The following CLSTN2 variants were observed in gnomAD, a reference collection of about 807,000 sequenced individuals.
CLSTN2 encodes calsyntenin 2.
In CLSTN2, 48 loss-of-function variants were observed where a neutral mutation model predicts 101.2. That is an observed-to-expected ratio of 0.47 (90% confidence interval 0.38 to 0.60). The LOEUF (loss-of-function observed/expected upper bound fraction) is 0.60. CLSTN2 is among the 20% of genes least tolerant of loss of function. The pLI is 0.00. For missense variants in CLSTN2, 1,160 were observed against 1,238.2 expected, an observed-to-expected ratio of 0.94 and a Z score of 0.95; for synonymous variants, 481 against 463.6, an observed-to-expected ratio of 1.04 and a Z score of -0.48.
intron 2 of CLSTN2, among the ~76,000 whole-genome samples, chr3:140,270,542 C>T (rs1027921760): frequency 2.0e-5 from 3 of 152,196 alleles, no homozygotes; most frequent in African/African-American, 7.2e-5. Flanking sequence ...ACTCTAGTGC[C>T]TCCCATCCAG....
chr3:140,165,694 G>A (rs1374970313), intron 1 of CLSTN2, among the ~76,000 whole-genome samples: 2 of 152,142 alleles, frequency 1.3e-5, no homozygotes, highest in Non-Finnish European at 2.9e-5. Context: ...TGGAGGGCAG[G>A]ACAGCTTCCT....
intron 2 of CLSTN2, among the ~76,000 whole-genome samples, chr3:140,280,078 A>T (rs2107895900): frequency 6.6e-6 from 1 of 152,356 alleles, no homozygotes; most frequent in African/African-American, 2.4e-5. Flanking sequence ...GCCAGACAAG[A>T]GAAGCTCAGT....
At chr3:140,141,329 C>G (rs573029176) in intron 1 of CLSTN2, among the ~76,000 whole-genome samples, 63 of 152,352 alleles carry the variant, frequency 4.1e-4, no homozygotes, top group Admixed American at 9.1e-4. Flanking sequence ...TGTTCTGCCT[C>G]TTGCTTTGAC....
intron 1 of CLSTN2, among the ~76,000 whole-genome samples, chr3:140,147,615 G>A (rs898326456): frequency 3.3e-5 from 5 of 152,168 alleles, no homozygotes; most frequent in African/African-American, 1.2e-4. Context: ...AATATTAATT[G>A]AGAATTAGGG....
intron 1 of CLSTN2, among the ~76,000 whole-genome samples, chr3:140,147,519 A>G (rs973073111): frequency 4.6e-5 from 7 of 152,132 alleles, no homozygotes; most frequent in Non-Finnish European, 8.8e-5. Context: ...TAAACTACCT[A>G]TTTGTAGCAT....
intron 1 of CLSTN2, among the ~76,000 whole-genome samples, chr3:140,142,226 C>T (rs1359495752): frequency 6.6e-6 from 1 of 152,178 alleles, no homozygotes; most frequent in Non-Finnish European, 1.5e-5. Flanking sequence ...CGTATTGATG[C>T]TGAGGGCAGG....
At chr3:140,300,316 G>A (rs2087045837) in intron 2 of CLSTN2, among the ~76,000 whole-genome samples, 1 of 152,172 alleles carries the variant, frequency 6.6e-6, no homozygotes, top group Admixed American at 6.5e-5. Flanking sequence ...GCTGATTAAT[G>A]CCCTTCAACC....
At chr3:140,244,953 A>G (rs904567881) in intron 2 of CLSTN2, among the ~76,000 whole-genome samples, 3 of 152,240 alleles carry the variant, frequency 2.0e-5, no homozygotes, top group African/African-American at 7.2e-5. Flanking sequence ...GACTATTCAG[A>G]CCTTAGCTGT....
At chr3:140,423,258 G>GCAC (rs1398923949) in intron 5 of CLSTN2, among the ~76,000 whole-genome samples, 1 of 152,202 alleles carries the variant, frequency 6.6e-6, no homozygotes, top group Non-Finnish European at 1.5e-5. Context: ...AATGTATTGA[G>GCAC]CACCACCTTA....
chr3:140,193,616 G>T (rs990986334), intron 2 of CLSTN2, among the ~76,000 whole-genome samples: 1 of 151,902 alleles, frequency 6.6e-6, no homozygotes, highest in African/African-American at 2.4e-5. Flanking sequence ...GTCTTTTCAT[G>T]AACTTCTTTG....
At chr3:140,055,657 G>T (rs1285249308) in intron 1 of CLSTN2, among the ~76,000 whole-genome samples, 2 of 152,188 alleles carry the variant, frequency 1.3e-5, no homozygotes, top group African/African-American at 4.8e-5. Context: ...TGAAGTAGGT[G>T]CTCAGTAAAT....
At chr3:139,958,026 T>C (rs1397339165) in intron 1 of CLSTN2, among the ~76,000 whole-genome samples, 1 of 152,200 alleles carries the variant, frequency 6.6e-6, no homozygotes, top group Non-Finnish European at 1.5e-5. Flanking sequence ...CCCGGTTTGA[T>C]ATTGATCCAT....
At chr3:139,992,960 G>A (rs1264342988) in intron 1 of CLSTN2, among the ~76,000 whole-genome samples, 1 of 152,168 alleles carries the variant, frequency 6.6e-6, no homozygotes, top group African/African-American at 2.4e-5. Context: ...CTATTGGGAC[G>A]AACAGGAAGT....
chr3:140,061,218 C>G (rs2008199137), intron 1 of CLSTN2, among the ~76,000 whole-genome samples: 1 of 152,102 alleles, frequency 6.6e-6, no homozygotes, highest in Non-Finnish European at 1.5e-5. Context: ...GGTAGGTAAA[C>G]CCTCAGGGGA....
intron 2 of CLSTN2, among the ~76,000 whole-genome samples, chr3:140,191,161 G>A (rs1367931215): frequency 2.0e-5 from 3 of 151,854 alleles, no homozygotes; most frequent in Non-Finnish European, 2.9e-5. Context: ...CTTATTTCCT[G>A]CATTCATCAA....
intron 8 of CLSTN2, among the ~76,000 whole-genome samples, chr3:140,526,314 A>G (rs1330372524): frequency 1.3e-5 from 2 of 152,108 alleles, no homozygotes; most frequent in East Asian, 3.9e-4. Flanking sequence ...CCCATCTACA[A>G]TAGCCACAAA....
chr3:140,036,570 G>A (rs1576404920), intron 1 of CLSTN2, among the ~76,000 whole-genome samples: 1 of 152,024 alleles, frequency 6.6e-6, no homozygotes, highest in African/African-American at 2.4e-5. Context: ...CACAACTCAG[G>A]AAATCTAGAA....
At chr3:140,323,041 A>G (rs749005144) in intron 2 of CLSTN2, among the ~76,000 whole-genome samples, 2 of 152,224 alleles carry the variant, frequency 1.3e-5, no homozygotes, top group African/African-American at 2.4e-5. Context: ...GATGTATTAT[A>G]TTTGTTAACA....
At chr3:140,307,481 A>G (rs560932514) in intron 2 of CLSTN2, among the ~76,000 whole-genome samples, 1 of 152,332 alleles carries the variant, frequency 6.6e-6, no homozygotes, top group African/African-American at 2.4e-5. Context: ...AACAAAAAAA[A>G]GTTTGATCTA....
Sources: gnomAD v4.1 joint callset for allele counts (sites outside exome capture counted in the v4.1 genomes callset) on GRCh38, gnomAD v4.1.1 for gene constraint, MANE v1.5 for transcripts, NCBI Gene and HGNC (gene_info 2026-07-23, HGNC 2026-07-21) for gene names.